Variants in RD3 observed in about 807,000 individuals in gnomAD.
The protein encoded by RD3 is RD3 regulator of GUCY2D.
In RD3, 11 loss-of-function variants were observed where a neutral mutation model predicts 16.9. That is an observed-to-expected ratio of 0.65 (90% CI 0.41 to 1.08). The LOEUF (loss-of-function observed/expected upper bound fraction) is 1.08, where lower values mean the gene tolerates loss of function less well. Among genes scored for constraint, RD3 ranks in the 50% least tolerant of loss-of-function variants. The probability of loss-of-function intolerance (pLI) is 0.00; values close to 1 mark genes in which losing one functional copy is unlikely to be tolerated. For synonymous variants in RD3, 116 were observed against 114.8 expected (o/e 1.01, Z -0.07); for missense variants, 274 against 267.4 (o/e 1.02, Z -0.17).
intron 1 of RD3, among the ~76,000 whole-genome samples, chr1:211,488,548 A>AT (rs986386246): frequency 6.6e-6 from 1 of 151,724 alleles, no homozygotes; most frequent in Non-Finnish European, 1.5e-5. Context: ...AAAAAAAAAA[A>AT]ACCCACCTGG....
In RD3 at chr1:211,481,304, G is replaced by C; in HGVS notation, c.112C>G (p.Arg38Gly). Residue 38 changes from arginine to glycine, a missense_variant, in exon 2 of 3, where the codon CGA (arginine) becomes GGA (glycine). Physicochemically the swap from Arg to Gly is moderately radical, Grantham distance 125. Coordinates refer to ENST00000680073, the MANE Select transcript of RD3 (RefSeq NM_001164688.2). ...TLMMELTGQM[R>G]EAERQQRERS... ...TCCCGCTGCTGCCTCTCAGCCTCTC[G>C]CATCTGCCCCGTCAGCTCCATCATA... 6.2e-7 allele frequency: 1 copy of C among 1,614,248 alleles called. No homozygotes were observed. The highest frequency in any genetic ancestry group is 1.1e-5 in the South Asian group (1 of 91,090).
chr1:211,481,204 T>G lies in RD3; in HGVS notation c.212A>C (p.Tyr71Ser). Residue 71 changes from tyrosine to serine, a missense_variant, in exon 2 of 3, where the codon TAT becomes TCT. Transcript: ENST00000680073. ...CAACCGCTCAATGGGGCTGAGGTCA[T>G]AGGTGGACCGGGGTGTGCTGGCCAG... The part of the protein sequence containing the change: ...SWLASTPRST[Y>S]DLSPIERLQL... The G allele has an allele frequency of 6.2e-7, 1 of 1,614,256 alleles. No homozygotes were observed. The highest frequency in any genetic ancestry group is 8.5e-7 in the Non-Finnish European group (1 of 1,180,038).
rs1705180989 is a variant in RD3 at position 211,478,123 on chromosome 1, T to C, written c.*913A>G. 2.5e-6 allele frequency: 1 copy of C among 398,686 alleles called. No individual in the cohort carries two copies. The highest frequency in any genetic ancestry group is 4.4e-6 in the Non-Finnish European group (1 of 226,110). 24.7% of individuals were successfully genotyped at this position (398,686 alleles called of 1,614,324 possible). On this transcript the variant is annotated 3_prime_UTR_variant, in exon 3 of 3. Transcript: ENST00000680073. ...AGCGGAACCCTGGAATTGAGAAACC[T>C]GGGCTCTTTAGGGCAGCATCTGAAG...
At position 211,478,933 on chromosome 1, in the gene RD3, T is replaced by A; in HGVS notation, c.*103A>T. Reference sequence around the variant, plus strand: ...GGATGGGGCCGCCTCTTGGGTCTCCTCGTCAGGCCTAGGTGGGGAGGTTCC... The same window carrying A: ...GGATGGGGCCGCCTCTTGGGTCTCCACGTCAGGCCTAGGTGGGGAGGTTCC... On this transcript the variant is annotated 3_prime_UTR_variant, in exon 3 of 3. Coordinates refer to ENST00000680073, the MANE Select transcript of RD3 (RefSeq NM_001164688.2). 3.8e-6 allele frequency: 4 copies of A among 1,041,660 alleles called. No homozygotes were observed. Among genetic ancestry groups the A allele is most frequent in the African/African-American group, 1.6e-5 (1 of 61,074 alleles). 64.5% of individuals were successfully genotyped at this position (1,041,660 alleles called of 1,614,324 possible). A position where few individuals can be genotyped will look rare whatever the true frequency, so the allele number is the denominator to read the frequency against.
Position 211,478,007 on chromosome 1 carries a change from G to T in RD3, c.*1029C>A. The T allele has an allele frequency of 2.5e-6, 1 of 398,422 alleles. No individual in the cohort carries two copies. Among genetic ancestry groups the T allele is most frequent in the South Asian group, 1.3e-4 (1 of 7,726 alleles). The allele number at this position is 398,422 out of a possible 1,614,324, so 24.7% of individuals were successfully genotyped here. On this transcript the variant is annotated 3_prime_UTR_variant, in exon 3 of 3. Coordinates refer to ENST00000680073, the MANE Select transcript of RD3 (RefSeq NM_001164688.2). ...AATGAAGCTGCAGGAAGCTCTTCTA[G>T]AACATTTCACTCAGCTGCCTCAAGG...
rs184525191 is a variant in RD3 at position 211,477,759 on chromosome 1, C to T, written c.*1277G>A. The T allele has an allele frequency of 3.4e-4, 77 of 228,866 alleles. No individual in the cohort carries two copies. The highest frequency in any genetic ancestry group is 2.3e-4 in the Non-Finnish European group (27 of 119,166). 14.2% of individuals were successfully genotyped at this position (228,866 alleles called of 1,614,324 possible). On this transcript the variant is annotated 3_prime_UTR_variant, in exon 3 of 3. Coordinates refer to ENST00000680073, the MANE Select transcript of RD3 (RefSeq NM_001164688.2). ...TCCCCCCTGTTGATTATATCTCCTC[C>T]GGGTATTTTATTTAGGCTACTATTA...
chr1:211,484,777 C>G (rs1287064258), intron 1 of RD3, among the ~76,000 whole-genome samples: 1 of 152,200 alleles, frequency 6.6e-6, no homozygotes, highest in Non-Finnish European at 1.5e-5. Context: ...ACCTCCGCTT[C>G]ATCCCACATG....
In RD3 at chr1:211,492,082, T is replaced by C; in HGVS notation, c.-326A>G. 6.5e-6 allele frequency: 1 copy of C among 153,922 alleles called. No homozygotes were observed. The highest frequency in any genetic ancestry group is 2.0e-4 in the East Asian group (1 of 5,094). 9.5% of individuals were successfully genotyped at this position (153,922 alleles called of 1,614,324 possible). A position where few individuals can be genotyped will look rare whatever the true frequency, so the allele number is the denominator to read the frequency against. On this transcript the variant is annotated 5_prime_UTR_variant, in exon 1 of 3. Coordinates refer to ENST00000680073, the MANE Select transcript of RD3 (RefSeq NM_001164688.2). Reference sequence around the variant, plus strand: ...GTGTGTGTGTGTGTGTGTGTGTGTGTGTGTGTGTGTATGCGTGTATGTATC... The same window carrying C: ...GTGTGTGTGTGTGTGTGTGTGTGTGCGTGTGTGTGTATGCGTGTATGTATC...
intron 1 of RD3, among the ~76,000 whole-genome samples, chr1:211,490,118 G>A (rs996035562): frequency 6.6e-6 from 1 of 152,214 alleles, no homozygotes; most frequent in Non-Finnish European, 1.5e-5. Context: ...CTCGCGTTGT[G>A]CCTCAAGGGC....
chr1:211,491,070 G>A (rs1466933151), intron 1 of RD3, among the ~76,000 whole-genome samples: 1 of 152,236 alleles, frequency 6.6e-6, no homozygotes, highest in African/African-American at 2.4e-5. Flanking sequence ...GTGCAGCCAG[G>A]AGAGGGCGTG....
chr1:211,480,153 G>T (rs978905871), intron 2 of RD3, among the ~76,000 whole-genome samples: 2 of 151,934 alleles, frequency 1.3e-5, no homozygotes, highest in African/African-American at 4.8e-5. Context: ...CCCGTCCCCA[G>T]GTGCTTCTGG....
rs143468244 is a variant in RD3 at position 211,481,992 on chromosome 1, A to G, written c.-11-566T>C. ...AATCCCAATACTTTGGGAGGCCAAG[A>G]TGGGCAGATCACCTGAGGTTGGGAG... is the stretch of plus-strand genomic sequence containing the variant. On this transcript the variant is annotated intron_variant, in intron 1 of 2. Coordinates refer to ENST00000680073, the MANE Select transcript of RD3 (RefSeq NM_001164688.2). Among the ~76,000 whole-genome samples, 1,244 of 152,312 alleles carry G rather than the reference A, an allele frequency of 8.2e-3. 23 individuals are homozygous for G. The highest frequency in any genetic ancestry group is 0.028 in the African/African-American group (1,175 of 41,564).
chr1:211,486,423 TG>T (rs1705375862), intron 1 of RD3, among the ~76,000 whole-genome samples: 1 of 151,540 alleles, frequency 6.6e-6, no homozygotes, highest in East Asian at 1.9e-4. Context: ...CGATTGAACC[TG>T]GGAGGCAGAG....
intron 1 of RD3, among the ~76,000 whole-genome samples, chr1:211,482,791 G>A (rs949603292): frequency 1.3e-5 from 2 of 151,910 alleles, no homozygotes; most frequent in Admixed American, 1.3e-4. Flanking sequence ...AAAGCCTGAA[G>A]TGGGTCTTCG....
Position 211,481,313 on chromosome 1 carries a change from C to T in RD3, c.103G>A (p.Gly35Arg), listed in dbSNP as rs530024772. Residue 35 changes from glycine (G) to arginine (R), a missense_variant, in exon 2 of 3, where the codon GGG (glycine) becomes AGG (arginine). Physicochemically the swap from Gly to Arg is moderately radical, Grantham distance 125. Coordinates refer to ENST00000680073, the MANE Select transcript of RD3 (RefSeq NM_001164688.2). Reference sequence around the variant, plus strand: ...TGCCTCTCAGCCTCTCGCATCTGCCCCGTCAGCTCCATCATAAGCGTCTCC... The same window carrying T: ...TGCCTCTCAGCCTCTCGCATCTGCCTCGTCAGCTCCATCATAAGCGTCTCC... ...VLETLMMELT[G>R]QMREAERQQR... 2.0e-5 allele frequency: 33 copies of T among 1,614,244 alleles called. No homozygotes were observed. In the South Asian group the frequency reaches 3.4e-4, roughly 17 times the overall value.
intron 1 of RD3, 59 bp from the exon 2 acceptor site, chr1:211,481,485 A>C: frequency 1.3e-6 from 2 of 1,526,068 alleles, no homozygotes; most frequent in South Asian, 2.3e-5. Context: ...CAGAGTGGGG[A>C]ACCTGGGAAC....
At chr1:211,486,831 G>A (rs1213676459) in intron 1 of RD3, among the ~76,000 whole-genome samples, 1 of 152,126 alleles carries the variant, frequency 6.6e-6, no homozygotes, top group Non-Finnish European at 1.5e-5. Flanking sequence ...TGACAAGAGC[G>A]AAACTCTGTC....
intron 1 of RD3, among the ~76,000 whole-genome samples, chr1:211,491,401 C>T (rs1705487121): frequency 6.6e-6 from 1 of 152,218 alleles, no homozygotes; most frequent in Non-Finnish European, 1.5e-5. Flanking sequence ...TTCCCCCTGC[C>T]TGTGTCCACT....
chr1:211,484,768 C>T (rs1449902799), intron 1 of RD3, among the ~76,000 whole-genome samples: 1 of 152,196 alleles, frequency 6.6e-6, no homozygotes, highest in Non-Finnish European at 1.5e-5. Flanking sequence ...TCTCTTCCCA[C>T]CTCCGCTTCA....
Sources: gnomAD v4.1 joint callset for allele counts (sites outside exome capture counted in the v4.1 genomes callset) on GRCh38, gnomAD v4.1.1 for gene constraint, MANE v1.5 for transcripts, NCBI Gene and HGNC (gene_info 2026-07-23, HGNC 2026-07-21) for gene names.